Variants in VWF observed in about 807,000 individuals in gnomAD.
The protein encoded by VWF is von Willebrand factor, also known as Factor VIII related antigen.
Under a neutral mutation model 308.6 loss-of-function variants are expected in VWF, and 176 were observed. That is an observed-to-expected ratio of 0.57 (90% CI 0.50 to 0.65). VWF has a LOEUF of 0.65. VWF is among the 30% of genes least tolerant of loss of function. VWF has a pLI of 0.00. For missense variants in VWF, 3,146 were observed against 3,648.2 expected (o/e 0.86, Z 3.55); for synonymous variants, 1,385 against 1,443.4 (o/e 0.96, Z 0.92).
intron 37 of VWF, among the ~76,000 whole-genome samples, 198 bp downstream of exon 37, chr12:5,993,664 T>TACAC (rs200279604): frequency 2.3e-3 from 328 of 144,132 alleles, no homozygotes; most frequent in African/African-American, 6.9e-3. Context: ...TATATATATA[T>TACAC]ACACACACAC....
At chr12:6,078,865 ACAGTACTCCAG>A (rs1944874034) in intron 6 of VWF, among the ~76,000 whole-genome samples, 2 of 152,186 alleles carry the variant, frequency 1.3e-5, no homozygotes, top group South Asian at 4.1e-4. Context: ...GATAATGGGA[ACAGTACTCCAG>A]CACATTTCCT....
chr12:6,021,034 C>T (rs1386696528), intron 27 of VWF: 4 of 152,196 alleles, frequency 2.6e-5, no homozygotes, highest in Non-Finnish European at 5.9e-5. Context: ...TCCTCCTTCC[C>T]GTGATCCACA....
intron 10 of VWF, among the ~76,000 whole-genome samples, chr12:6,067,175 C>T (rs1381496893): frequency 6.6e-6 from 1 of 152,214 alleles, no homozygotes; most frequent in South Asian, 2.1e-4. Context: ...TCTGGATGTG[C>T]TGTAATTTCA....
Position 6,016,549 on chromosome 12 carries a change from C to A in VWF, c.5278G>T (p.Val1760Phe). ...EKAHLLSLVD[V>F]MQREGGPSQI... ...CTGGGGCCTCCCTCCCGCTGCATGA[C>A]GTCCACAAGGCTCAGCAAATGGGCT... The change falls in exon 30 of 52, where the codon GTC becomes TTC. Residue 1760 changes from valine to phenylalanine, a missense_variant. Val to Phe is a conservative substitution (Grantham distance 50). Transcript: ENST00000261405. The A allele has an allele frequency of 6.2e-7, 1 of 1,614,196 alleles. No individual in the cohort carries two copies. The highest frequency in any genetic ancestry group is 8.5e-7 in the Non-Finnish European group (1 of 1,180,040).
At chr12:6,081,993 G>C (rs908567196) in intron 6 of VWF, among the ~76,000 whole-genome samples, 1 of 151,188 alleles carries the variant, frequency 6.6e-6, no homozygotes, top group Non-Finnish European at 1.5e-5. Context: ...TTGAAACGCA[G>C]TCTCGCTCTG....
chr12:6,015,417 C>T (rs1002871230), intron 31 of VWF, among the ~76,000 whole-genome samples: 21 of 151,928 alleles, frequency 1.4e-4, no homozygotes, highest in African/African-American at 4.4e-4. Context: ...GTTCTGACAG[C>T]ACTCCTAGGC....
At chr12:6,077,455 G>A (rs1420375442) in intron 6 of VWF, among the ~76,000 whole-genome samples, 4 of 152,218 alleles carry the variant, frequency 2.6e-5, no homozygotes, top group Non-Finnish European at 5.9e-5. Flanking sequence ...GCCCCTCCAC[G>A]GCCCTGCCTT....
Position 5,983,076 on chromosome 12 carries a change from C to T in VWF, c.7081+74G>A, listed in dbSNP as rs183084528. 110 of 1,426,922 alleles carry T rather than the reference C, an allele frequency of 7.7e-5. 1 individual carries two copies. The Admixed American group carries it at 1.7e-3, about 22-fold the overall frequency. 88.4% of individuals were successfully genotyped at this position (1,426,922 alleles called of 1,614,324 possible). A position where few individuals can be genotyped will look rare whatever the true frequency, so the allele number is the denominator to read the frequency against. On this transcript the variant is annotated intron_variant, in intron 41 of 51. Transcript: ENST00000261405. ...GAAATGACGTGATCTTGGAAGAGGT[C>T]CCTGAGGAGGATGGCCTCCCTCACA...
chr12:6,036,354 T>C (rs780180468), intron 19 of VWF, 34 bp downstream of exon 19: 2 of 1,605,408 alleles, frequency 1.2e-6, no homozygotes, highest in South Asian at 1.1e-5. Context: ...CCGCAGGGCC[T>C]GGGTCCCCGG....
At chr12:6,010,717 A>G (rs1336847656) in intron 34 of VWF, among the ~76,000 whole-genome samples, 1 of 152,236 alleles carries the variant, frequency 6.6e-6, no homozygotes, top group Non-Finnish European at 1.5e-5. Flanking sequence ...ATATGCTTTT[A>G]ATCACAAAAG....
intron 34 of VWF, among the ~76,000 whole-genome samples, chr12:6,001,869 A>G (rs957037146): frequency 1.3e-5 from 2 of 152,182 alleles, no homozygotes; most frequent in Admixed American, 1.3e-4. Flanking sequence ...ACTTCCACAA[A>G]GTAGAACTAT....
intron 16 of VWF, among the ~76,000 whole-genome samples, chr12:6,051,286 C>CTTTTTTTTTTTTTTTTTTT (rs55842185): frequency 8.5e-6 from 1 of 117,544 alleles, no homozygotes; most frequent in African/African-American, 3.4e-5. Context: ...TTCTTTTTTT[C>CTTTTTTTTTTTTTTTTTTT]TTTTTTTTTT....
chr12:6,061,035 T>C (rs544005763), intron 13 of VWF, among the ~76,000 whole-genome samples: 88 of 152,264 alleles, frequency 5.8e-4, no homozygotes, highest in Middle Eastern at 6.8e-3. Flanking sequence ...ACCCCATCTC[T>C]ATTAAAAATA....
At chr12:5,980,249 A>G (rs765311626) in intron 42 of VWF, among the ~76,000 whole-genome samples, 1 of 10,230 alleles carries the variant, frequency 9.8e-5, no homozygotes, top group Non-Finnish European at 2.8e-4. Context: ...GGAAGGAAGG[A>G]AGTGACGTAG....
At chr12:5,966,509 G>A (rs1943406193) in intron 47 of VWF, among the ~76,000 whole-genome samples, 1 of 152,014 alleles carries the variant, frequency 6.6e-6, no homozygotes, top group Non-Finnish European at 1.5e-5. Context: ...ACCTCTAATT[G>A]CCATGAAGAA....
At chr12:6,031,663 C>T (rs1352952839) in intron 20 of VWF, 85 bp from the exon 21 acceptor site, 11 of 1,602,940 alleles carry the variant, frequency 6.9e-6, no homozygotes, top group Non-Finnish European at 9.4e-6. Flanking sequence ...TCATCACAGG[C>T]CTTTGAGTAC....
At chr12:6,047,231 G>A (rs960003563) in intron 16 of VWF, among the ~76,000 whole-genome samples, 3 of 152,052 alleles carry the variant, frequency 2.0e-5, no homozygotes, top group Non-Finnish European at 4.4e-5. Flanking sequence ...GCCATCCCCA[G>A]TTCCAATCAC....
chr12:6,052,145 C>G (rs928399141), intron 16 of VWF, among the ~76,000 whole-genome samples: 1 of 152,148 alleles, frequency 6.6e-6, no homozygotes, highest in Non-Finnish European at 1.5e-5. Context: ...ATGGAGGCAG[C>G]GCTGCAGTGG....
intron 34 of VWF, among the ~76,000 whole-genome samples, chr12:5,997,779 C>T (rs1454617009): frequency 5.3e-5 from 8 of 152,100 alleles, no homozygotes; most frequent in Admixed American, 2.6e-4. Flanking sequence ...ACCAAATTAC[C>T]TCCCAACAAA....
Sources: gnomAD v4.1 joint callset for allele counts (sites outside exome capture counted in the v4.1 genomes callset) on GRCh38, gnomAD v4.1.1 for gene constraint, MANE v1.5 for transcripts, NCBI Gene and HGNC (gene_info 2026-07-23, HGNC 2026-07-21) for gene names.